Variants in ERMAP observed in about 807,000 individuals in gnomAD.
ERMAP encodes erythroid membrane-associated protein.
ERMAP carries 34 observed loss-of-function variants against 49.5 expected under a neutral mutation model. That is an observed-to-expected ratio of 0.69 (90% confidence interval 0.52 to 0.91). ERMAP has a LOEUF of 0.91. Among genes scored for constraint, ERMAP ranks in the 40% least tolerant of loss-of-function variants. The pLI is 0.00. For missense variants in ERMAP, 541 were observed against 582.6 expected (o/e 0.93, Z 0.74); for synonymous variants, 214 against 232.2 (o/e 0.92, Z 0.71).
intron 6 of ERMAP, among the ~76,000 whole-genome samples, chr1:42,836,605 T>C (rs1654906276): frequency 6.6e-6 from 1 of 152,094 alleles, no homozygotes; most frequent in Non-Finnish European, 1.5e-5. Flanking sequence ...CCTGTAATCC[T>C]AGCACTTTGG....
In ERMAP at chr1:42,842,906, GT is replaced by G; in HGVS notation, c.1103del (p.Val368AlafsTer7). 6.2e-7 allele frequency: 1 copy of G among 1,614,200 alleles called. No homozygotes were observed. The highest frequency in any genetic ancestry group is 8.5e-7 in the Non-Finnish European group (1 of 1,180,034). Reference protein sequence around the residue: ...VGIFLDYEAGVISFYNVTNKS... With the variant: ...VGIFLDYEAGXISFYNVTNKS... ...GATTTTCCTGGACTATGAAGCAGGAGTCATCTCTTTCTACAATGTGACCAAC... is the reference window on the plus strand; with the variant it reads ...GATTTTCCTGGACTATGAAGCAGGAGCATCTCTTTCTACAATGTGACCAAC... On this transcript the variant is annotated frameshift_variant, in exon 12 of 12. Coordinates refer to ENST00000372517, the MANE Select transcript of ERMAP (RefSeq NM_001017922.2). LOFTEE classifies it high-confidence loss of function.
At chr1:42,834,942 G>C in intron 4 of ERMAP, 96 bp from the exon 5 acceptor site, 2 of 735,436 alleles carry the variant, frequency 2.7e-6, no homozygotes, top group Admixed American at 1.9e-5. Context: ...AGGTGATGGA[G>C]AGTGTTGGGA....
chr1:42,830,676 T>C (rs569515471), intron 3 of ERMAP, 92 bp from the exon 4 acceptor site: 3 of 1,426,314 alleles, frequency 2.1e-6, no homozygotes, highest in Non-Finnish European at 2.8e-6. Flanking sequence ...CTTCCTGGGC[T>C]CTGTCCGTCC....
At chr1:42,840,391 G>A (rs1655022770) in intron 11 of ERMAP, 95 bp downstream of exon 11, 1 of 1,483,296 alleles carries the variant, frequency 6.7e-7, no homozygotes, top group Admixed American at 1.9e-5. Flanking sequence ...TGGAATGCAG[G>A]TAATTTAAAA....
chr1:42,825,133 C>T (rs2124291158), intron 1 of ERMAP, among the ~76,000 whole-genome samples: 1 of 152,250 alleles, frequency 6.6e-6, no homozygotes, highest in East Asian at 1.9e-4. Flanking sequence ...TATGAACATA[C>T]AGCTAAGGAT....
At chr1:42,824,434 G>C (rs1030265452) in intron 1 of ERMAP, 3 of 152,122 alleles carry the variant, frequency 2.0e-5, no homozygotes, top group Admixed American at 1.3e-4. Flanking sequence ...TAAGGGACGA[G>C]AGAAACTGTT....
rs1167236961 is a variant in ERMAP at position 42,817,250 on chromosome 1, G to A, written c.-125G>A. Reference sequence around the variant, plus strand: ...GCCGAGTCGCAGACAACGCCTCCGGGAGGGTAATCCTCGCCTTCCCCCGAC... The same window carrying A: ...GCCGAGTCGCAGACAACGCCTCCGGAAGGGTAATCCTCGCCTTCCCCCGAC... On this transcript the variant is annotated 5_prime_UTR_variant, in exon 1 of 12. Coordinates refer to ENST00000372517, the MANE Select transcript of ERMAP (RefSeq NM_001017922.2). The A allele has an allele frequency of 4.0e-6, 5 of 1,253,216 alleles. No homozygotes were observed. The highest frequency in any genetic ancestry group is 5.1e-5 in the Admixed American group (2 of 39,068). 77.6% of individuals were successfully genotyped at this position (1,253,216 alleles called of 1,614,324 possible).
chr1:42,827,904 T>A lies in ERMAP; in HGVS notation c.-6+2166T>A, dbSNP rs566726886. 2.0e-5 allele frequency among the ~76,000 whole-genome samples: 3 copies of A among 152,300 alleles called. No individual in the cohort carries two copies. The South Asian group carries it at 6.2e-4, about 32-fold the overall frequency. On this transcript the variant is annotated intron_variant, in intron 2 of 11. Coordinates refer to ENST00000372517, the MANE Select transcript of ERMAP (RefSeq NM_001017922.2). ...GTGTGTATGATTGCCTTTCCTGTTC[T>A]AAGTGTAAAAGAGAATAATACCTAC...
chr1:42,827,830 A>G (rs1654597917), intron 2 of ERMAP, among the ~76,000 whole-genome samples: 1 of 152,130 alleles, frequency 6.6e-6, no homozygotes, highest in African/African-American at 2.4e-5. Flanking sequence ...TTTACATTCT[A>G]TCTGCTTCCA....
In ERMAP at chr1:42,844,852, GAAT is replaced by G. The variant is rs1437988865; in HGVS notation, c.*1624_*1626del. On this transcript the variant is annotated 3_prime_UTR_variant, in exon 12 of 12. Coordinates refer to ENST00000372517, the MANE Select transcript of ERMAP (RefSeq NM_001017922.2). This position sits in a 1 kb window ranked among gnomAD's most constrained non-coding sequence, Gnocchi z 4.0. The stretch of plus-strand genomic sequence containing the variant: ...AGAAACACCCTCACAGGAACACTCA[GAAT>G]AATGTTTGACCAAATAGCTGGGCAT... 5 of 152,204 alleles carry G rather than the reference GAAT, an allele frequency of 3.3e-5. No individual in the cohort carries two copies. Among genetic ancestry groups the G allele is most frequent in the Non-Finnish European group, 7.3e-5 (5 of 68,034 alleles). 9.4% of individuals were successfully genotyped at this position (152,204 alleles called of 1,614,324 possible). A position where few individuals can be genotyped will look rare whatever the true frequency, so the allele number is the denominator to read the frequency against.
chr1:42,829,203 A>T (rs1654641475), intron 2 of ERMAP, among the ~76,000 whole-genome samples: 1 of 152,192 alleles, frequency 6.6e-6, no homozygotes, highest in Non-Finnish European at 1.5e-5. Context: ...TGTTGTATAA[A>T]ATATGATTTA....
intron 11 of ERMAP, among the ~76,000 whole-genome samples, chr1:42,840,801 G>C (rs1327486178): frequency 6.6e-6 from 1 of 151,924 alleles, no homozygotes; most frequent in African/African-American, 2.4e-5. Flanking sequence ...CATGCTTTCA[G>C]GTTTGGGAAG....
intron 5 of ERMAP, among the ~76,000 whole-genome samples, chr1:42,835,509 C>T (rs1654868518): frequency 1.3e-5 from 2 of 152,216 alleles, no homozygotes; most frequent in South Asian, 4.1e-4. Flanking sequence ...TCACATTTCA[C>T]AGGATCTCAG....
chr1:42,837,796 C>G (rs1431294509), intron 7 of ERMAP: 1 of 152,324 alleles, frequency 6.6e-6, no homozygotes. Context: ...CTGAGTTGGA[C>G]ACCTTGTTGA....
chr1:42,830,525 A>G lies in ERMAP; in HGVS notation c.77A>G (p.His26Arg), dbSNP rs1654690197. Residue 26 changes from histidine to arginine, a missense_variant, in exon 3 of 12, where the codon CAT becomes CGT. His to Arg is a conservative substitution (Grantham distance 29, BLOSUM62 0). Coordinates refer to ENST00000372517, the MANE Select transcript of ERMAP (RefSeq NM_001017922.2). ...IPLVFLRLSVHVSGHAGDAGK... is the reference protein window; with the variant it reads ...IPLVFLRLSVRVSGHAGDAGK... ...CTCGTCTTCCTCCGGCTGTCTGTGC[A>G]TGTGTCAGGTAGGAGTTTCTGATCC... 3 of 1,613,832 alleles carry G rather than the reference A, an allele frequency of 1.9e-6. No individual in the cohort carries two copies. Among genetic ancestry groups the G allele is most frequent in the African/African-American group, 1.3e-5 (1 of 74,872 alleles).
chr1:42,837,200 T>C lies in ERMAP; in HGVS notation c.616+10T>C. On this transcript the variant is annotated intron_variant, in intron 7 of 11. Coordinates refer to ENST00000372517, the MANE Select transcript of ERMAP (RefSeq NM_001017922.2). Reference sequence around the variant, plus strand: ...CATGCTAAAGAAAAAGGTAATGATATAAAAGAGTAAGGGGTAGGGAACAAA... The same window carrying C: ...CATGCTAAAGAAAAAGGTAATGATACAAAAGAGTAAGGGGTAGGGAACAAA... 6.2e-7 allele frequency: 1 copy of C among 1,613,128 alleles called. No individual in the cohort carries two copies. Among genetic ancestry groups the C allele is most frequent in the South Asian group, 1.1e-5 (1 of 91,050 alleles).
At chr1:42,836,084 C>T (rs1183504562) in intron 6 of ERMAP, among the ~76,000 whole-genome samples, 1 of 152,012 alleles carries the variant, frequency 6.6e-6, no homozygotes, top group African/African-American at 2.4e-5. Context: ...ATGCCCTGGA[C>T]AATACTAGAT....
Position 42,832,691 on chromosome 1 carries a change from C to T in ERMAP, c.433+1576C>T, listed in dbSNP as rs1654782529. Among the ~76,000 whole-genome samples, 3 of 152,098 alleles carry T rather than the reference C, an allele frequency of 2.0e-5. No individual in the cohort carries two copies. In the South Asian group the frequency reaches 6.2e-4, roughly 32 times the overall value. Reference sequence around the variant, plus strand: ...TGAAAAGTAATTTTTAAAAGGGGACCGAGGTGCCCACAGGAATCTGAATCA... The same window carrying T: ...TGAAAAGTAATTTTTAAAAGGGGACTGAGGTGCCCACAGGAATCTGAATCA... On this transcript the variant is annotated intron_variant, in intron 4 of 11. Coordinates refer to ENST00000372517, the MANE Select transcript of ERMAP (RefSeq NM_001017922.2).
intron 1 of ERMAP, among the ~76,000 whole-genome samples, chr1:42,823,726 G>A (rs548770641): frequency 6.6e-6 from 1 of 152,184 alleles, no homozygotes; most frequent in South Asian, 2.1e-4. Flanking sequence ...CAGCGTAACT[G>A]TTTATGCATC....
Sources: allele counts gnomAD v4.1 joint callset (sites outside exome capture counted in the v4.1 genomes callset), GRCh38; gene constraint gnomAD v4.1.1; non-coding constraint Gnocchi (gnomAD v3.1); transcripts MANE v1.5; gene names NCBI Gene and HGNC (gene_info 2026-07-23, HGNC 2026-07-21).